Variants in KCNT2 observed in about 807,000 individuals in gnomAD.
KCNT2 encodes the protein potassium channel subfamily T member 2.
In KCNT2, 67 loss-of-function variants were observed where a neutral mutation model predicts 153.8. The observed-to-expected ratio is 0.44, with a 90% CI of 0.36 to 0.53. The LOEUF is 0.53. Among genes scored for constraint, KCNT2 ranks in the 20% least tolerant of loss-of-function variants. KCNT2 has a pLI of 0.00. For synonymous variants in KCNT2, 500 were observed against 458.8 expected (o/e 1.09, Z -1.15); for missense variants, 975 against 1,354.8 (o/e 0.72, Z 4.40).
intron 8 of KCNT2, among the ~76,000 whole-genome samples, chr1:196,430,892 G>A (rs529202633): frequency 6.6e-6 from 1 of 152,240 alleles, no homozygotes; most frequent in South Asian, 2.1e-4. Context: ...TAATTGCTAT[G>A]GTTTGAATGC....
At chr1:196,530,873 A>G (rs938104966) in intron 1 of KCNT2, among the ~76,000 whole-genome samples, 2 of 152,144 alleles carry the variant, frequency 1.3e-5, no homozygotes, top group Non-Finnish European at 2.9e-5. Flanking sequence ...ACATTAGCTC[A>G]TTTAACAATA....
intron 8 of KCNT2, among the ~76,000 whole-genome samples, chr1:196,446,180 C>T (rs1182497388): frequency 6.6e-5 from 10 of 151,338 alleles, no homozygotes; most frequent in Non-Finnish European, 1.5e-5. Context: ...AAAGCTTCTA[C>T]TCTGTATTTT....
intron 13 of KCNT2, among the ~76,000 whole-genome samples, chr1:196,380,651 T>C (rs1212260860): frequency 6.6e-6 from 1 of 152,226 alleles, no homozygotes; most frequent in Non-Finnish European, 1.5e-5. Context: ...GGGTGGATTT[T>C]AAAATCTAAA....
chr1:196,228,256 C>T lies in KCNT2; in HGVS notation c.3376G>A (p.Gly1126Ser), dbSNP rs747285562. The change falls in exon 28 of 28, where the codon GGT becomes AGT. Residue 1126 changes from glycine (G) to serine (S), a missense_variant. By Grantham distance (56) the Gly-to-Ser change is moderately conservative. Coordinates refer to ENST00000294725, the MANE Select transcript of KCNT2 (RefSeq NM_198503.5). ...SRRNSICNVT[G>S]QDSREETQL ...TGAGTTTCCTCCCGAGAATCTTGAC[C>T]AGTGACATTGCAGATGCTGTTTCTT... is the stretch of plus-strand genomic sequence containing the variant. 3.7e-6 allele frequency: 6 copies of T among 1,609,574 alleles called. No homozygotes were observed. In the South Asian group the frequency reaches 5.5e-5, roughly 15 times the overall value.
chr1:196,572,394 G>A (rs1346310381), intron 1 of KCNT2, among the ~76,000 whole-genome samples: 3 of 151,848 alleles, frequency 2.0e-5, no homozygotes, highest in Non-Finnish European at 4.4e-5. Flanking sequence ...CAGCATCTAG[G>A]AAAGAAGGCA....
chr1:196,383,216 T>C (rs980233012), intron 13 of KCNT2, among the ~76,000 whole-genome samples: 2 of 151,992 alleles, frequency 1.3e-5, no homozygotes, highest in African/African-American at 4.8e-5. Flanking sequence ...AATTGTAAAA[T>C]AAAAAGAAAG....
At chr1:196,593,311 TAC>T (rs869080667) in intron 1 of KCNT2, among the ~76,000 whole-genome samples, 5,496 of 140,038 alleles carry the variant, frequency 0.039, 144 homozygotes, top group Middle Eastern at 0.11. Flanking sequence ...TATATATATA[TAC>T]ACACACACAC....
chr1:196,600,300 G>A (rs1426779650), intron 1 of KCNT2, among the ~76,000 whole-genome samples: 3 of 152,196 alleles, frequency 2.0e-5, no homozygotes, highest in South Asian at 2.1e-4. Flanking sequence ...CTTAGGGTCC[G>A]CCAATACCGA....
At chr1:196,514,067 G>T (rs1044127134) in intron 1 of KCNT2, among the ~76,000 whole-genome samples, 1 of 152,108 alleles carries the variant, frequency 6.6e-6, no homozygotes, top group African/African-American at 2.4e-5. Context: ...TTGAGGGCAT[G>T]TTTCTTGCTA....
chr1:196,465,917 T>C (rs1384250923), intron 7 of KCNT2, among the ~76,000 whole-genome samples: 1 of 152,010 alleles, frequency 6.6e-6, no homozygotes, highest in Non-Finnish European at 1.5e-5. Flanking sequence ...ATTATGGCAA[T>C]GAGCCATTAT....
chr1:196,471,115 GC>G (rs975851434), intron 5 of KCNT2, among the ~76,000 whole-genome samples: 2 of 151,384 alleles, frequency 1.3e-5, no homozygotes, highest in African/African-American at 4.9e-5. Flanking sequence ...CACCGTGTTA[GC>G]CAGGATGGTC....
At chr1:196,461,413 A>G (rs781426556) in intron 8 of KCNT2, among the ~76,000 whole-genome samples, 31 of 151,804 alleles carry the variant, frequency 2.0e-4, no homozygotes, top group Non-Finnish European at 4.4e-4. Context: ...ACAGGAAATC[A>G]GTTAACATAA....
At chr1:196,566,756 T>C (rs1660162538) in intron 1 of KCNT2, among the ~76,000 whole-genome samples, 1 of 152,136 alleles carries the variant, frequency 6.6e-6, no homozygotes, top group Admixed American at 6.5e-5. Context: ...TATATCACCA[T>C]AGCAAAATGT....
In KCNT2 at chr1:196,425,821, A is replaced by G. The variant is rs1322817783; in HGVS notation, c.1121+31T>C. 4 of 1,607,154 alleles carry G rather than the reference A, an allele frequency of 2.5e-6. No homozygotes were observed. In the South Asian group the frequency reaches 4.4e-5, roughly 18 times the overall value. On this transcript the variant is annotated intron_variant, in intron 11 of 27. Coordinates refer to ENST00000294725, the MANE Select transcript of KCNT2 (RefSeq NM_198503.5). ...AAAATATTAAGTCACTCAAAACTGTAAGCTGCAAGATGAAAGGCAGGGATA... is the reference window on the plus strand; with the variant it reads ...AAAATATTAAGTCACTCAAAACTGTGAGCTGCAAGATGAAAGGCAGGGATA...
chr1:196,342,548 A>G (rs1665772144), intron 14 of KCNT2, among the ~76,000 whole-genome samples: 1 of 150,514 alleles, frequency 6.6e-6, no homozygotes, highest in Admixed American at 6.6e-5. Flanking sequence ...TGAATCAATG[A>G]GATACAGGAT....
chr1:196,372,143 A>G (rs1668590326), intron 14 of KCNT2, among the ~76,000 whole-genome samples: 1 of 152,036 alleles, frequency 6.6e-6, no homozygotes, highest in Non-Finnish European at 1.5e-5. Context: ...TCCTATTCAC[A>G]ACTTTGAGAA....
intron 1 of KCNT2, among the ~76,000 whole-genome samples, chr1:196,566,307 C>A (rs1660104817): frequency 6.6e-6 from 1 of 151,904 alleles, no homozygotes. Flanking sequence ...CTGAATAAAG[C>A]AGTTTGAGTG....
intron 14 of KCNT2, among the ~76,000 whole-genome samples, chr1:196,369,842 G>A (rs1179394814): frequency 6.6e-6 from 1 of 152,090 alleles, no homozygotes; most frequent in East Asian, 1.9e-4. Context: ...TATATACCCA[G>A]TAATGGGATG....
intron 1 of KCNT2, among the ~76,000 whole-genome samples, chr1:196,575,071 G>A (rs1661199589): frequency 1.3e-5 from 2 of 152,068 alleles, no homozygotes; most frequent in Admixed American, 6.6e-5. Context: ...TATAAAGGGA[G>A]AGTTTTAGAA....
Sources: allele counts gnomAD v4.1 joint callset (sites outside exome capture counted in the v4.1 genomes callset), GRCh38; gene constraint gnomAD v4.1.1; transcripts MANE v1.5; gene names NCBI Gene and HGNC (gene_info 2026-07-23, HGNC 2026-07-21).